STK31: variants seen among roughly 807,000 people sequenced by gnomAD.
The protein encoded by STK31 is serine/threonine kinase 31, also known as serine/threonine-protein kinase 31.
Under a neutral mutation model 129.7 loss-of-function variants are expected in STK31, and 89 were observed. The ratio of observed to expected loss-of-function variants is 0.69; its 90% CI spans 0.58 to 0.82. The LOEUF (loss-of-function observed/expected upper bound fraction) is 0.82, where lower values mean the gene tolerates loss of function less well. STK31 is among the 40% of genes least tolerant of loss of function. The probability of loss-of-function intolerance (pLI) is 0.00; values close to 1 mark genes in which losing one functional copy is unlikely to be tolerated. For missense variants in STK31, 1,187 were observed against 1,176.4 expected (o/e 1.01, Z -0.13); for synonymous variants, 448 against 395.3 (o/e 1.13, Z -1.58).
At chr7:23,728,947 T>A (rs1167033241) in intron 5 of STK31, 144 bp from the exon 6 acceptor site, 36 of 587,958 alleles carry the variant, frequency 6.1e-5, no homozygotes, top group Non-Finnish European at 8.4e-5. Flanking sequence ...ATATTAGAAA[T>A]CTGTTTCTGA....
chr7:23,754,562 A>G, intron 10 of STK31, 88 bp downstream of exon 10: 1 of 1,409,082 alleles, frequency 7.1e-7, no homozygotes, highest in Non-Finnish European at 9.7e-7. Flanking sequence ...AAATAACAGG[A>G]TACATGTGCA....
At chr7:23,828,842 A>G (rs1445856781) in intron 23 of STK31, among the ~76,000 whole-genome samples, 10 of 151,994 alleles carry the variant, frequency 6.6e-5, no homozygotes, top group Admixed American at 4.6e-4. Flanking sequence ...GTGAAAGTGG[A>G]GATCCTTGTC....
intron 8 of STK31, among the ~76,000 whole-genome samples, chr7:23,751,450 T>A (rs1418663354): frequency 6.6e-6 from 1 of 152,228 alleles, no homozygotes; most frequent in African/African-American, 2.4e-5. Flanking sequence ...TCAGTCCTTT[T>A]AAGTTGATTG....
At chr7:23,807,556 A>C (rs1792783752) in intron 22 of STK31, among the ~76,000 whole-genome samples, 1 of 152,104 alleles carries the variant, frequency 6.6e-6, no homozygotes, top group South Asian at 2.1e-4. Flanking sequence ...AGGTTTTCTC[A>C]GCTTCTTCAG....
intron 6 of STK31, among the ~76,000 whole-genome samples, chr7:23,731,865 A>G (rs6958062): frequency 0.13 from 19,728 of 152,284 alleles, 1,549 homozygotes; most frequent in Middle Eastern, 0.18. Context: ...ATTCAGAGGA[A>G]TAAAGTAGAA....
At chr7:23,820,681 C>T (rs1793738973) in intron 23 of STK31, among the ~76,000 whole-genome samples, 2 of 152,164 alleles carry the variant, frequency 1.3e-5, no homozygotes, top group Non-Finnish European at 1.5e-5. Context: ...TTCCACCTCA[C>T]CCACATTCTC....
At chr7:23,808,337 CTTTA>C (rs1792851696) in intron 22 of STK31, among the ~76,000 whole-genome samples, 2 of 151,718 alleles carry the variant, frequency 1.3e-5, no homozygotes, top group African/African-American at 2.4e-5. Flanking sequence ...AAATTCAGCA[CTTTA>C]TTGAGTTCTT....
intron 4 of STK31, among the ~76,000 whole-genome samples, chr7:23,719,015 A>G (rs1261065390): frequency 6.6e-6 from 1 of 152,064 alleles, no homozygotes; most frequent in African/African-American, 2.4e-5. Context: ...CTGCTTTGCT[A>G]GTGTACTGAG....
chr7:23,817,387 G>A (rs1210999402), intron 23 of STK31, among the ~76,000 whole-genome samples: 1 of 150,600 alleles, frequency 6.6e-6, no homozygotes, highest in Admixed American at 6.7e-5. Flanking sequence ...AAGTAAGCAA[G>A]ATTTATAAAT....
chr7:23,784,716 A>G (rs946408716), intron 17 of STK31, among the ~76,000 whole-genome samples: 3 of 152,126 alleles, frequency 2.0e-5, no homozygotes, highest in Admixed American at 6.5e-5. Context: ...CAATTCTACA[A>G]TGCCTCTTAC....
chr7:23,783,480 G>C (rs1791061166), intron 16 of STK31, 103 bp from the exon 17 acceptor site: 1 of 736,928 alleles, frequency 1.4e-6, no homozygotes, highest in Non-Finnish European at 2.1e-6. Context: ...TATCTTACTG[G>C]ATATGTTATA....
chr7:23,737,622 T>C (rs999955053), intron 8 of STK31, among the ~76,000 whole-genome samples: 1 of 152,254 alleles, frequency 6.6e-6, no homozygotes, highest in African/African-American at 2.4e-5. Flanking sequence ...TATTGTGTCA[T>C]GAATGCCACA....
intron 22 of STK31, among the ~76,000 whole-genome samples, chr7:23,793,044 G>T (rs945917485): frequency 2.6e-5 from 4 of 152,198 alleles, no homozygotes; most frequent in African/African-American, 9.6e-5. Context: ...TGATACTGCT[G>T]TGAAGTTAGA....
Position 23,712,144 on chromosome 7 carries a change from A to G in STK31, c.96A>G (p.Lys32=). The G allele has an allele frequency of 6.2e-7, 1 of 1,613,138 alleles. No homozygotes were observed. Among genetic ancestry groups the G allele is most frequent in the Non-Finnish European group, 8.5e-7 (1 of 1,179,170 alleles). Residue 32 remains lysine, a splice_region_variant and synonymous_variant, in exon 2 of 24, where the codon AAA becomes AAG. Transcript: ENST00000355870. ...VQMDEDTHYD[K]VEDVVGSHIE... is the part of the protein sequence containing the mutation. The stretch of plus-strand genomic sequence containing the variant: ...TGGATGAAGATACACATTACGATAA[A>G]GGTACTGACACTAAAAATTATTTTG...
At position 23,762,348 on chromosome 7, in the gene STK31, TAAAG is replaced by T. The variant is rs748343630; in HGVS notation, c.1294-449_1294-446del. On this transcript the variant is annotated intron_variant, in intron 10 of 23. Transcript: ENST00000355870. ...TAATACAGTATGGTAAGTGCTATAA[TAAAG>T]AAAATGCATAGAGTTCTTGGATATC... 1.1e-3 allele frequency among the ~76,000 whole-genome samples: 165 copies of T among 152,038 alleles called. 1 individual carries two copies. Among genetic ancestry groups the T allele is most frequent in the Middle Eastern group, 6.8e-3 (2 of 294 alleles).
chr7:23,806,834 A>G (rs1158311381), intron 22 of STK31, among the ~76,000 whole-genome samples: 1 of 144,924 alleles, frequency 6.9e-6, no homozygotes, highest in Non-Finnish European at 1.5e-5. Flanking sequence ...CGGGAGGCGG[A>G]GCTTGCAGTG....
chr7:23,787,695 A>C (rs990036673), intron 20 of STK31, among the ~76,000 whole-genome samples: 2 of 151,732 alleles, frequency 1.3e-5, no homozygotes, highest in Non-Finnish European at 2.9e-5. Flanking sequence ...CCATGGAAAA[A>C]TTGTCTTTCA....
In STK31 at chr7:23,731,578, A is replaced by G. The variant is rs766091729; in HGVS notation, c.483+2329A>G. ...TGAACAGCAGGGATTCAGTAACAAC[A>G]CAAATACCTCCTTCCTTCCCCTTTT... On this transcript the variant is annotated intron_variant, in intron 6 of 23. Coordinates refer to ENST00000355870, the MANE Select transcript of STK31 (RefSeq NM_031414.5). 4.6e-5 allele frequency among the ~76,000 whole-genome samples: 7 copies of G among 152,234 alleles called. No individual in the cohort carries two copies. The East Asian group carries it at 9.6e-4, about 21-fold the overall frequency.
chr7:23,828,206 G>A (rs1794298303), intron 23 of STK31, among the ~76,000 whole-genome samples: 1 of 152,130 alleles, frequency 6.6e-6, no homozygotes, highest in Admixed American at 6.5e-5. Flanking sequence ...AGCCTACAGA[G>A]GCAGGGAGGC....
Sources: allele counts gnomAD v4.1 joint callset (sites outside exome capture counted in the v4.1 genomes callset), GRCh38; gene constraint gnomAD v4.1.1; transcripts MANE v1.5; gene names NCBI Gene and HGNC (gene_info 2026-07-23, HGNC 2026-07-21).